Variants in FUT8 observed in about 807,000 individuals in gnomAD.
The protein encoded by FUT8 is fucosyltransferase 8.
In FUT8, 29 loss-of-function variants were observed where a neutral mutation model predicts 71.3. The observed-to-expected ratio is 0.41, with a 90% CI of 0.30 to 0.55. FUT8 has a LOEUF of 0.55. Ranked by LOEUF, FUT8 falls within the 20% of genes least tolerant of loss-of-function variation. The pLI, the probability that FUT8 is intolerant of heterozygous loss-of-function variation, is 0.34. For missense variants in FUT8, 544 were observed against 702.1 expected (o/e 0.77, Z 2.55); for synonymous variants, 254 against 239.3 (o/e 1.06, Z -0.57).
chr14:65,576,543 T>C (rs374779060), intron 3 of FUT8, among the ~76,000 whole-genome samples: 98 of 152,044 alleles, frequency 6.4e-4, no homozygotes, highest in African/African-American at 1.7e-3. Flanking sequence ...TGTTTTTTTT[T>C]CCCAAGACAG....
intron 9 of FUT8, 151 bp downstream of exon 9, chr14:65,724,474 C>A: frequency 1.8e-6 from 1 of 555,254 alleles, no homozygotes; most frequent in Non-Finnish European, 3.2e-6. Flanking sequence ...GTGTAACTGT[C>A]AGTCTAATCA....
chr14:65,568,589 A>G (rs1248813112), intron 3 of FUT8, among the ~76,000 whole-genome samples: 4 of 151,186 alleles, frequency 2.6e-5, no homozygotes, highest in Non-Finnish European at 5.9e-5. Context: ...TATTCTGTTT[A>G]TCTTTCAGAT....
Position 65,742,499 on chromosome 14 carries a change from T to G in FUT8, c.*89T>G. 9.1e-7 allele frequency: 1 copy of G among 1,104,880 alleles called. No homozygotes were observed. The allele number at this position is 1,104,880 out of a possible 1,614,324, so 68.4% of individuals were successfully genotyped here. A position where few individuals can be genotyped will look rare whatever the true frequency, so the allele number is the denominator to read the frequency against. On this transcript the variant is annotated 3_prime_UTR_variant, in exon 11 of 11. Coordinates refer to ENST00000673929, the MANE Select transcript of FUT8 (RefSeq NM_001371533.1). ...GCCAAACTGTAGATGAAGAGGGCTC[T>G]GATCTAACAAAATAAGGTTATATGA...
At chr14:65,737,700 A>G (rs1896284247) in intron 10 of FUT8, among the ~76,000 whole-genome samples, 1 of 152,258 alleles carries the variant, frequency 6.6e-6, no homozygotes, top group South Asian at 2.1e-4. Context: ...ACATTGTTAA[A>G]GACATTGTTT....
chr14:65,457,578 C>A (rs1468392869), intron 2 of FUT8, among the ~76,000 whole-genome samples: 2 of 152,124 alleles, frequency 1.3e-5, no homozygotes, highest in Non-Finnish European at 2.9e-5. Flanking sequence ...CTTAAAATCT[C>A]AGCTCCCTGA....
chr14:65,571,973 T>C (rs1263424561), intron 3 of FUT8, among the ~76,000 whole-genome samples: 1 of 151,274 alleles, frequency 6.6e-6, no homozygotes, highest in Admixed American at 6.6e-5. Context: ...AATAGCAGAC[T>C]CTTAGTGAAT....
upstream of FUT8, chr14:65,411,896 G>T (rs544822790): frequency 5.3e-6 from 2 of 375,868 alleles, no homozygotes; most frequent in Admixed American, 3.6e-5. Context: ...GGCGCGCTCC[G>T]GTCCTCCCGC....
At chr14:65,512,893 G>T (rs1193165574) in intron 2 of FUT8, among the ~76,000 whole-genome samples, 1 of 139,116 alleles carries the variant, frequency 7.2e-6, no homozygotes, top group African/African-American at 2.9e-5. Context: ...GGGCGACAGA[G>T]TGAGACTCTG....
chr14:65,460,808 G>A (rs2065959184), intron 2 of FUT8, among the ~76,000 whole-genome samples: 1 of 152,144 alleles, frequency 6.6e-6, no homozygotes. Flanking sequence ...GATTAGGATT[G>A]GGTAGGTATC....
At chr14:65,662,518 A>C (rs1892017444) in intron 6 of FUT8, among the ~76,000 whole-genome samples, 1 of 152,210 alleles carries the variant, frequency 6.6e-6, no homozygotes, top group East Asian at 1.9e-4. Flanking sequence ...TAATTACAAA[A>C]ATGTTACATA....
At chr14:65,617,104 T>G (rs1308313374) in intron 5 of FUT8, 1 of 1,596,534 alleles carries the variant, frequency 6.3e-7, no homozygotes, top group Non-Finnish European at 8.5e-7. Flanking sequence ...CTGATGGCAA[T>G]TACTGTCTCA....
At position 65,630,432 on chromosome 14, in the gene FUT8, G is replaced by A. The variant is rs539197896; in HGVS notation, c.597+826G>A. On this transcript the variant is annotated intron_variant, in intron 6 of 10. Transcript: ENST00000673929. ...TTGATTTTGTTTTTCTGCTTAATATGCCATAAGCATTTTTCTATTTTGGAG... is the reference window on the plus strand; with the variant it reads ...TTGATTTTGTTTTTCTGCTTAATATACCATAAGCATTTTTCTATTTTGGAG... 1.4e-3 allele frequency among the ~76,000 whole-genome samples: 214 copies of A among 152,086 alleles called. 2 individuals carry two copies. Among genetic ancestry groups the A allele is most frequent in the African/African-American group, 4.7e-3 (197 of 41,488 alleles).
At chr14:65,391,510 C>G in the FUT8 span, among the ~76,000 whole-genome samples, 1 of 152,182 alleles carries the variant, frequency 6.6e-6, no homozygotes, top group Non-Finnish European at 1.5e-5. Flanking sequence ...CAAATGCCAC[C>G]AAACTCAGCT....
chr14:65,506,511 T>C (rs940666349), intron 2 of FUT8, among the ~76,000 whole-genome samples: 11 of 152,246 alleles, frequency 7.2e-5, no homozygotes, highest in Non-Finnish European at 1.6e-4. Context: ...GGAAGAACTA[T>C]AAAACTTAAA....
In FUT8 at chr14:65,743,261, T is replaced by TC. The variant is rs1344585969; in HGVS notation, c.*853dup. On this transcript the variant is annotated 3_prime_UTR_variant, in exon 11 of 11. Coordinates refer to ENST00000673929, the MANE Select transcript of FUT8 (RefSeq NM_001371533.1). The stretch of plus-strand genomic sequence containing the variant: ...TTCAGCTTATTTACTTTGTTTTTTT[T>TC]CCTGTTTCTGATATAGTAACTAATT... The TC allele has an allele frequency of 6.6e-6, 1 of 152,022 alleles. No individual in the cohort carries two copies. Among genetic ancestry groups the TC allele is most frequent in the Admixed American group, 6.6e-5 (1 of 15,226 alleles). 9.4% of individuals were successfully genotyped at this position (152,022 alleles called of 1,614,324 possible). A position where few individuals can be genotyped will look rare whatever the true frequency, so the allele number is the denominator to read the frequency against.
In FUT8 at chr14:65,561,358, A is replaced by G. The variant is rs1885904600; in HGVS notation, c.-206A>G. On this transcript the variant is annotated 5_prime_UTR_variant, in exon 3 of 11. Transcript: ENST00000673929. ...ACAGCATGTAGAGCGCATGAAGTAC[A>G]GGACAATAAAGCTTCCTACACATAT... The G allele has an allele frequency of 1.6e-5, 9 of 578,022 alleles. No individual in the cohort carries two copies. The highest frequency in any genetic ancestry group is 2.5e-5 in the Non-Finnish European group (8 of 323,612). The allele number at this position is 578,022 out of a possible 1,614,324, so 35.8% of individuals were successfully genotyped here.
intron 2 of FUT8, among the ~76,000 whole-genome samples, chr14:65,465,109 T>C (rs1246245597): frequency 6.6e-6 from 1 of 152,222 alleles, no homozygotes; most frequent in Non-Finnish European, 1.5e-5. Context: ...TTTAAGGGCA[T>C]AGAACCAGCT....
At chr14:65,658,487 C>A (rs888902387) in intron 6 of FUT8, among the ~76,000 whole-genome samples, 3 of 152,090 alleles carry the variant, frequency 2.0e-5, no homozygotes, top group African/African-American at 7.2e-5. Flanking sequence ...ATGTGCATAG[C>A]ATCTTAGTTT....
At chr14:65,411,745 A>C, upstream of FUT8, 1 of 307,050 alleles carries the variant, frequency 3.3e-6, no homozygotes, top group Non-Finnish European at 6.3e-6. Flanking sequence ...TCTGGGTCCC[A>C]AGGCTACAGG....
Sources: allele counts gnomAD v4.1 joint callset (sites outside exome capture counted in the v4.1 genomes callset), GRCh38; gene constraint gnomAD v4.1.1; transcripts MANE v1.5; gene names NCBI Gene and HGNC (gene_info 2026-07-23, HGNC 2026-07-21).